USH2A: variants seen among roughly 807,000 people sequenced by gnomAD.
The protein encoded by USH2A is usherin.
A neutral mutation model predicts 538.9 loss-of-function variants in USH2A; 443 were observed. That is an observed-to-expected ratio of 0.82 (90% CI 0.76 to 0.89). The LOEUF is 0.89. Ranked by LOEUF, USH2A falls within the 40% of genes least tolerant of loss-of-function variation. USH2A has a pLI of 0.00. For missense variants in USH2A, 6,633 were observed against 6,324.8 expected, an observed-to-expected ratio of 1.05 and a Z score of -1.65; for synonymous variants, 2,413 against 2,273.5, an observed-to-expected ratio of 1.06 and a Z score of -1.75.
chr1:215,877,055 T>C (rs1029236534), intron 43 of USH2A, among the ~76,000 whole-genome samples: 1 of 152,190 alleles, frequency 6.6e-6, no homozygotes, highest in Admixed American at 6.6e-5. Context: ...TTGCTTGAAC[T>C]CATGAAGATT....
At chr1:216,345,358 C>T (rs1297581819) in intron 4 of USH2A, among the ~76,000 whole-genome samples, 26 of 151,998 alleles carry the variant, frequency 1.7e-4, no homozygotes, top group Admixed American at 1.7e-3. Flanking sequence ...ACATATTTTG[C>T]TCTGGCCAGG....
intron 3 of USH2A, among the ~76,000 whole-genome samples, chr1:216,395,338 A>C (rs2039192631): frequency 6.6e-6 from 1 of 152,092 alleles, no homozygotes. Flanking sequence ...CAGTGTTCAC[A>C]CTCCAAAAAA....
intron 34 of USH2A, 80 bp from the exon 35 acceptor site, chr1:215,993,247 T>G: frequency 6.2e-7 from 1 of 1,607,318 alleles, no homozygotes; most frequent in Middle Eastern, 1.7e-4. Context: ...GAATTCATAA[T>G]AAGAGTTTCA....
At position 215,728,174 on chromosome 1, in the gene USH2A, T is replaced by C. The variant is rs750133097; in HGVS notation, c.11922A>G (p.Gln3974=). The change falls in exon 61 of 72, where the codon CAA becomes CAG. Residue 3974 remains glutamine (Q), a synonymous_variant. Transcript: ENST00000307340. The stretch of plus-strand genomic sequence containing the variant: ...ACAGAACTGAATGAGCACTCGTGGC[T>C]TGAGCCCAAGGAGCTGGAAAATCTT... ...PPQDFPAPWA[Q]ATSAHSVLLN... is the part of the protein sequence containing the mutation. 9 of 1,614,206 alleles carry C rather than the reference T, an allele frequency of 5.6e-6. No homozygotes were observed. In the Admixed American group the frequency reaches 1.3e-4, roughly 24 times the overall value.
chr1:215,672,960 T>A (rs1265725268), intron 63 of USH2A, among the ~76,000 whole-genome samples: 1 of 151,922 alleles, frequency 6.6e-6, no homozygotes, highest in Non-Finnish European at 1.5e-5. Flanking sequence ...TGAATAAGAG[T>A]TTCAAAAGGG....
At chr1:216,020,947 A>T (rs1668831187) in intron 32 of USH2A, among the ~76,000 whole-genome samples, 1 of 152,130 alleles carries the variant, frequency 6.6e-6, no homozygotes, top group Non-Finnish European at 1.5e-5. Context: ...GGAACCCAAG[A>T]CTGTGTAGCT....
At chr1:215,935,347 C>T (rs1006868274) in intron 37 of USH2A, among the ~76,000 whole-genome samples, 1 of 151,942 alleles carries the variant, frequency 6.6e-6, no homozygotes, top group African/African-American at 2.4e-5. Context: ...TTCTTTCTAT[C>T]TAATGCCCTT....
intron 16 of USH2A, among the ~76,000 whole-genome samples, chr1:216,204,747 A>G (rs1378360427): frequency 6.6e-6 from 1 of 152,182 alleles, no homozygotes; most frequent in Non-Finnish European, 1.5e-5. Flanking sequence ...ACGCACTAGA[A>G]ATAGAGTAAT....
chr1:215,662,985 A>G (rs2102654371), intron 64 of USH2A, among the ~76,000 whole-genome samples: 1 of 152,320 alleles, frequency 6.6e-6, no homozygotes, highest in East Asian at 1.9e-4. Flanking sequence ...AATTGCATAA[A>G]AGTAGAGTCA....
chr1:216,348,964 T>C (rs2102687902), intron 4 of USH2A, among the ~76,000 whole-genome samples: 1 of 152,196 alleles, frequency 6.6e-6, no homozygotes, highest in African/African-American at 2.4e-5. Context: ...AGCTTGGTTC[T>C]AACAATTGCC....
chr1:216,309,395 A>G (rs2037379435), intron 9 of USH2A, among the ~76,000 whole-genome samples: 2 of 152,158 alleles, frequency 1.3e-5, no homozygotes, highest in Admixed American at 6.5e-5. Flanking sequence ...TGCTCAGACA[A>G]TAGGTGGATG....
intron 21 of USH2A, among the ~76,000 whole-genome samples, chr1:216,115,198 C>G (rs1327147025): frequency 6.6e-6 from 1 of 152,120 alleles, no homozygotes; most frequent in Non-Finnish European, 1.5e-5. Flanking sequence ...GTGGCGTGAT[C>G]ATAGCTCACT....
chr1:215,911,151 A>G (rs1010103882), intron 38 of USH2A, among the ~76,000 whole-genome samples: 5 of 151,998 alleles, frequency 3.3e-5, no homozygotes, highest in Non-Finnish European at 5.9e-5. Flanking sequence ...AAACAAGCAC[A>G]TCATGGAGAA....
chr1:215,984,061 C>T (rs974528131), intron 35 of USH2A, among the ~76,000 whole-genome samples: 5 of 152,172 alleles, frequency 3.3e-5, no homozygotes, highest in African/African-American at 9.6e-5. Context: ...CATCTTTTGC[C>T]GTTGCTGCCC....
intron 11 of USH2A, among the ~76,000 whole-genome samples, chr1:216,255,636 A>G (rs1458446046): frequency 6.6e-6 from 1 of 152,080 alleles, no homozygotes; most frequent in Non-Finnish European, 1.5e-5. Flanking sequence ...GGCTTGTGTT[A>G]TGGTTCAGAA....
intron 37 of USH2A, among the ~76,000 whole-genome samples, chr1:215,960,831 G>A (rs1177280606): frequency 6.6e-6 from 1 of 152,050 alleles, no homozygotes; most frequent in African/African-American, 2.4e-5. Flanking sequence ...TAAAGAGAAA[G>A]ACCCAGTATT....
At chr1:215,957,754 CT>C (rs1667104274) in intron 37 of USH2A, among the ~76,000 whole-genome samples, 1 of 152,156 alleles carries the variant, frequency 6.6e-6, no homozygotes. Context: ...CTCCTGCTGC[CT>C]GACCCCCTAA....
rs534672217 is a variant in USH2A, at chr1:215,858,107, G to T, written c.8845+8900C>A. Among the ~76,000 whole-genome samples, 40 of 152,172 alleles carry T rather than the reference G, an allele frequency of 2.6e-4. No homozygotes were observed. The South Asian group carries it at 8.3e-3, about 32-fold the overall frequency. On this transcript the variant is annotated intron_variant, in intron 44 of 71. Transcript: ENST00000307340. ...ATGGAGTTAAGGCTTGTACTTGCTT[G>T]TATTTGATGCAATAGAAAGAAATCG...
chr1:215,905,442 G>T (rs191759750), intron 38 of USH2A, among the ~76,000 whole-genome samples: 1 of 152,186 alleles, frequency 6.6e-6, no homozygotes, highest in Non-Finnish European at 1.5e-5. Context: ...CAAGGTTCTT[G>T]TTAGAGGCAG....
Sources: gnomAD v4.1 joint callset for allele counts (sites outside exome capture counted in the v4.1 genomes callset) on GRCh38, gnomAD v4.1.1 for gene constraint, MANE v1.5 for transcripts, NCBI Gene and HGNC (gene_info 2026-07-23, HGNC 2026-07-21) for gene names.